The following LHFPL2 variants were observed in gnomAD, a reference collection of about 807,000 sequenced individuals.
The protein encoded by LHFPL2 is LHFPL tetraspan subfamily member 2 protein.
LHFPL2 carries 7 observed loss-of-function variants against 17.5 expected under a neutral mutation model. The observed-to-expected ratio is 0.40, with a 90% CI of 0.23 to 0.75. LHFPL2 has a LOEUF of 0.75. Ranked by LOEUF, LHFPL2 falls within the 30% of genes least tolerant of loss-of-function variation. LHFPL2 has a pLI of 0.37. For synonymous variants in LHFPL2, 134 were observed against 116.2 expected (o/e 1.15, Z -0.99); for missense variants, 241 against 294.8 (o/e 0.82, Z 1.34).
At chr5:78,514,627 C>A (rs1283048777) in intron 3 of LHFPL2, among the ~76,000 whole-genome samples, 1 of 152,158 alleles carries the variant, frequency 6.6e-6, no homozygotes, top group Non-Finnish European at 1.5e-5. Context: ...CCAGTGCCCG[C>A]CGGCTGGATC....
chr5:78,639,135 G>A (rs2112525138), intron 1 of LHFPL2, among the ~76,000 whole-genome samples: 1 of 152,222 alleles, frequency 6.6e-6, no homozygotes, highest in Non-Finnish European at 1.5e-5. Context: ...TGTCCACACA[G>A]GTGTACACAC....
At chr5:78,491,097 T>C (rs1754430314) in intron 4 of LHFPL2, 1 of 152,220 alleles carries the variant, frequency 6.6e-6, no homozygotes, top group African/African-American at 2.4e-5. Flanking sequence ...ACTTTCACAG[T>C]GGTCTTCATC....
At chr5:78,549,049 G>A (rs1018364657) in intron 3 of LHFPL2, 16 of 152,154 alleles carry the variant, frequency 1.1e-4, no homozygotes, top group African/African-American at 3.9e-4. Context: ...ACAATCCCAG[G>A]GTTCGGCTGG....
intron 2 of LHFPL2, among the ~76,000 whole-genome samples, chr5:78,614,548 A>G (rs903976906): frequency 6.6e-6 from 1 of 152,224 alleles, no homozygotes; most frequent in Non-Finnish European, 1.5e-5. Flanking sequence ...TTCTATTACT[A>G]CATGCCAGAC....
At chr5:78,489,204 T>C in intron 4 of LHFPL2, 51 bp from the exon 5 acceptor site, 1 of 1,591,574 alleles carries the variant, frequency 6.3e-7, no homozygotes, top group South Asian at 1.1e-5. Context: ...GTGCTACAAC[T>C]GTCCAGATCT....
intron 3 of LHFPL2, among the ~76,000 whole-genome samples, chr5:78,539,590 C>A (rs967474738): frequency 2.6e-5 from 4 of 152,220 alleles, no homozygotes; most frequent in Admixed American, 2.6e-4. Context: ...TTTCCATCAT[C>A]TCAGACTATC....
chr5:78,490,747 A>C (rs1434465569), intron 4 of LHFPL2, among the ~76,000 whole-genome samples: 200 of 12,844 alleles, frequency 0.016, 1 homozygote, highest in Admixed American at 0.072. Flanking sequence ...ACTCCCTCTC[A>C]AAAAAAAAAA....
At chr5:78,596,236 T>A (rs191025619) in intron 2 of LHFPL2, among the ~76,000 whole-genome samples, 1 of 152,170 alleles carries the variant, frequency 6.6e-6, no homozygotes, top group African/African-American at 2.4e-5. Context: ...TGAAAAGATA[T>A]ACAGTTACAA....
At chr5:78,523,276 C>A (rs1755514819) in intron 3 of LHFPL2, among the ~76,000 whole-genome samples, 1 of 152,110 alleles carries the variant, frequency 6.6e-6, no homozygotes, top group Non-Finnish European at 1.5e-5. Flanking sequence ...CGTACCCATT[C>A]GAATTCACTT....
At chr5:78,586,721 AG>A (rs869130091) in intron 2 of LHFPL2, among the ~76,000 whole-genome samples, 1 of 151,960 alleles carries the variant, frequency 6.6e-6, no homozygotes, top group Admixed American at 6.5e-5. Context: ...CGGTTTTTAT[AG>A]GGGGGAAAAA....
intron 3 of LHFPL2, among the ~76,000 whole-genome samples, chr5:78,521,258 T>C (rs932053936): frequency 2.0e-5 from 3 of 152,230 alleles, no homozygotes; most frequent in Admixed American, 2.0e-4. Context: ...CTCAGTAAAT[T>C]ATTAAAATCA....
At chr5:78,525,447 T>C (rs1489792791) in intron 3 of LHFPL2, among the ~76,000 whole-genome samples, 2 of 152,206 alleles carry the variant, frequency 1.3e-5, no homozygotes, top group Non-Finnish European at 2.9e-5. Flanking sequence ...CACAGATCCA[T>C]AACCTTGGAA....
In LHFPL2 at chr5:78,634,264, T is replaced by A. The variant is rs114057675; in HGVS notation, c.-349-1896A>T. ...ATAGCACTCAGGTCATGAAGGGAGA[T>A]GATGCTCCACTCAGTTCCCAGGGCC... On this transcript the variant is annotated intron_variant, in intron 1 of 4. Coordinates refer to ENST00000380345, the MANE Select transcript of LHFPL2 (RefSeq NM_005779.3). Among the ~76,000 whole-genome samples, 323 of 152,260 alleles carry A rather than the reference T, an allele frequency of 2.1e-3. 3 individuals are homozygous for A. The highest frequency in any genetic ancestry group is 7.3e-3 in the African/African-American group (303 of 41,550).
chr5:78,527,822 T>C (rs1405035284), intron 3 of LHFPL2, among the ~76,000 whole-genome samples: 2 of 152,240 alleles, frequency 1.3e-5, no homozygotes, highest in Admixed American at 1.3e-4. Context: ...CCAAGCTTTA[T>C]TTATTCAGAT....
chr5:78,514,134 A>G (rs1755218631), intron 3 of LHFPL2, among the ~76,000 whole-genome samples: 1 of 152,206 alleles, frequency 6.6e-6, no homozygotes, highest in African/African-American at 2.4e-5. Context: ...ATCCGTTGCT[A>G]TTAACCATAA....
At chr5:78,636,380 G>A (rs1745450275) in intron 1 of LHFPL2, among the ~76,000 whole-genome samples, 1 of 152,140 alleles carries the variant, frequency 6.6e-6, no homozygotes, top group African/African-American at 2.4e-5. Context: ...CCACCTTTCG[G>A]GTAAGGAGCT....
intron 3 of LHFPL2, among the ~76,000 whole-genome samples, chr5:78,519,617 C>T (rs138891652): frequency 9.6e-4 from 146 of 152,226 alleles, no homozygotes; most frequent in African/African-American, 3.3e-3. Context: ...TTCCTGTGTC[C>T]GTAAAATGGA....
chr5:78,613,803 G>A (rs763767077), intron 2 of LHFPL2, among the ~76,000 whole-genome samples: 2 of 152,122 alleles, frequency 1.3e-5, no homozygotes, highest in East Asian at 3.9e-4. Context: ...CCACTTACTT[G>A]GTTGTATGAT....
At chr5:78,510,631 G>A (rs1755088452) in intron 3 of LHFPL2, among the ~76,000 whole-genome samples, 2 of 152,242 alleles carry the variant, frequency 1.3e-5, no homozygotes, top group Non-Finnish European at 2.9e-5. Context: ...GGAGCACCAT[G>A]GAAGGAGGCG....
Sources: allele counts gnomAD v4.1 joint callset (sites outside exome capture counted in the v4.1 genomes callset), GRCh38; gene constraint gnomAD v4.1.1; transcripts MANE v1.5; gene names NCBI Gene and HGNC (gene_info 2026-07-23, HGNC 2026-07-21).